The following ANAPC10 variants were observed in gnomAD, a reference collection of about 807,000 sequenced individuals.
ANAPC10 encodes anaphase-promoting complex subunit 10.
A neutral mutation model predicts 22.0 loss-of-function variants in ANAPC10; 12 were observed. The observed-to-expected ratio is 0.55, with a 90% CI of 0.35 to 0.88. ANAPC10 has a LOEUF of 0.88. ANAPC10 is among the 40% of genes least tolerant of loss of function. ANAPC10 has a pLI of 0.01. For missense variants in ANAPC10, 188 were observed against 220.9 expected (o/e 0.85, Z 0.94); for synonymous variants, 65 against 69.5 (o/e 0.94, Z 0.32).
rs551751587 is a variant in ANAPC10 at position 145,008,915 on chromosome 4, G to A, written c.328-13312C>T. On this transcript the variant is annotated intron_variant, in intron 4 of 4. Coordinates refer to ENST00000507656, the MANE Select transcript of ANAPC10 (RefSeq NM_001256706.2). Reference sequence around the variant, plus strand: ...AGTCATATTGTCCCTGTTTGCAGATGACATGATTATATATTTAGAAAACCC... The same window carrying A: ...AGTCATATTGTCCCTGTTTGCAGATAACATGATTATATATTTAGAAAACCC... 5.4e-4 allele frequency among the ~76,000 whole-genome samples: 82 copies of A among 152,242 alleles called. 1 individual carries two copies. The highest frequency in any genetic ancestry group is 1.9e-3 in the African/African-American group (79 of 41,524).
chr4:145,031,059 C>T (rs922197718), intron 4 of ANAPC10, among the ~76,000 whole-genome samples: 1 of 152,170 alleles, frequency 6.6e-6, no homozygotes, highest in Non-Finnish European at 1.5e-5. Flanking sequence ...TTGGCAAATG[C>T]CTTTTTCTCC....
At chr4:145,061,622 A>G (rs1432783041) in intron 4 of ANAPC10, among the ~76,000 whole-genome samples, 1 of 152,230 alleles carries the variant, frequency 6.6e-6, no homozygotes, top group Non-Finnish European at 1.5e-5. Context: ...CTGAGGAGCT[A>G]TATGATAAAT....
At chr4:145,044,549 G>A (rs1042694965) in intron 4 of ANAPC10, among the ~76,000 whole-genome samples, 2 of 152,010 alleles carry the variant, frequency 1.3e-5, no homozygotes, top group Admixed American at 6.6e-5. Context: ...ACAGTTACAG[G>A]ACATAACAGT....
chr4:145,052,691 G>A (rs913968840), intron 4 of ANAPC10, among the ~76,000 whole-genome samples: 12 of 152,012 alleles, frequency 7.9e-5, no homozygotes, highest in African/African-American at 2.2e-4. Context: ...CACATGGTCC[G>A]GAGATTGAGA....
intron 4 of ANAPC10, among the ~76,000 whole-genome samples, chr4:145,006,313 T>C (rs1733343963): frequency 6.6e-6 from 1 of 152,100 alleles, no homozygotes; most frequent in Non-Finnish European, 1.5e-5. Context: ...GTGGAAAAGA[T>C]AAAGGGAATT....
At chr4:145,011,129 CG>C (rs1365215734) in intron 4 of ANAPC10, among the ~76,000 whole-genome samples, 8 of 151,820 alleles carry the variant, frequency 5.3e-5, no homozygotes. Context: ...GTCAGGAGTT[CG>C]AGACCAACCT....
intron 4 of ANAPC10, among the ~76,000 whole-genome samples, chr4:145,046,018 T>C (rs182604672): frequency 5.3e-5 from 8 of 152,254 alleles, no homozygotes; most frequent in Admixed American, 5.2e-4. Context: ...TGTTCAATTG[T>C]TGGGCCAAAC....
intron 4 of ANAPC10, among the ~76,000 whole-genome samples, chr4:145,049,469 G>A (rs144552722): frequency 7.2e-5 from 11 of 152,278 alleles, no homozygotes; most frequent in African/African-American, 2.2e-4. Flanking sequence ...AATGTTCACA[G>A]CACCTTCACA....
At chr4:145,049,754 G>C (rs553483189) in intron 4 of ANAPC10, among the ~76,000 whole-genome samples, 30 of 151,952 alleles carry the variant, frequency 2.0e-4, no homozygotes, top group African/African-American at 7.2e-4. Flanking sequence ...TAATTTTTTT[G>C]AATTTCTTTT....
rs556768229 is a variant in ANAPC10 at position 145,097,260 on chromosome 4, A to G, written c.-13+860T>C. The G allele has an allele frequency of 2.8e-5, 10 of 355,310 alleles. No homozygotes were observed. In the East Asian group the frequency reaches 6.7e-4, roughly 24 times the overall value. The allele number at this position is 355,310 out of a possible 1,614,324, so 22.0% of individuals were successfully genotyped here. On this transcript the variant is annotated intron_variant, in intron 1 of 4. Coordinates refer to ENST00000507656, the MANE Select transcript of ANAPC10 (RefSeq NM_001256706.2). ...GTTCACTTACATATGCTCTTACCAT[A>G]GAAGATAAGGTCAGGAAAATGGCTT... is the stretch of plus-strand genomic sequence containing the variant.
intron 3 of ANAPC10, among the ~76,000 whole-genome samples, chr4:145,071,834 A>G (rs1744530614): frequency 6.6e-6 from 1 of 152,234 alleles, no homozygotes; most frequent in African/African-American, 2.4e-5. Context: ...TCAACCCACA[A>G]AAGCATCCAT....
At chr4:145,059,821 T>G (rs1300037295) in intron 4 of ANAPC10, among the ~76,000 whole-genome samples, 1 of 152,100 alleles carries the variant, frequency 6.6e-6, no homozygotes, top group Non-Finnish European at 1.5e-5. Flanking sequence ...ATCTAAAATA[T>G]AATGTTCTTT....
chr4:145,080,838 C>T (rs755885128), intron 3 of ANAPC10, among the ~76,000 whole-genome samples: 43 of 142,838 alleles, frequency 3.0e-4, no homozygotes, highest in Admixed American at 4.5e-4. Flanking sequence ...ACCTGGGAGG[C>T]GGAGGTTGCA....
chr4:145,040,150 TGTG>T (rs1315252633), intron 4 of ANAPC10, among the ~76,000 whole-genome samples: 1 of 151,910 alleles, frequency 6.6e-6, no homozygotes, highest in Admixed American at 6.6e-5. Flanking sequence ...TGTGTGTGTG[TGTG>T]TGTGTGTGTG....
At chr4:145,033,999 G>C (rs901645156) in intron 4 of ANAPC10, among the ~76,000 whole-genome samples, 2 of 152,124 alleles carry the variant, frequency 1.3e-5, no homozygotes, top group African/African-American at 4.8e-5. Context: ...TAGTATTTGG[G>C]TTGGGGATTG....
chr4:145,047,485 G>A (rs1246776723), intron 4 of ANAPC10, among the ~76,000 whole-genome samples: 4 of 152,128 alleles, frequency 2.6e-5, no homozygotes, highest in East Asian at 1.9e-4. Context: ...CCATGCTACC[G>A]ATAATCCTGA....
At chr4:145,073,637 A>T (rs1356669174) in intron 3 of ANAPC10, among the ~76,000 whole-genome samples, 3 of 152,090 alleles carry the variant, frequency 2.0e-5, no homozygotes. Context: ...GTTTTCATTC[A>T]ACCCAGGCTT....
At chr4:145,004,250 A>T (rs1733009497) in intron 4 of ANAPC10, among the ~76,000 whole-genome samples, 1 of 152,038 alleles carries the variant, frequency 6.6e-6, no homozygotes, top group Non-Finnish European at 1.5e-5. Flanking sequence ...CAGAGTAACT[A>T]TGGTGTTTGT....
At chr4:145,082,638 A>C (rs766284290) in intron 2 of ANAPC10, among the ~76,000 whole-genome samples, 2 of 152,238 alleles carry the variant, frequency 1.3e-5, no homozygotes, top group Non-Finnish European at 2.9e-5. Context: ...TTCTGAAGCC[A>C]AATGCTTCTG....
Sources: allele counts gnomAD v4.1 joint callset (sites outside exome capture counted in the v4.1 genomes callset), GRCh38; gene constraint gnomAD v4.1.1; transcripts MANE v1.5; gene names NCBI Gene and HGNC (gene_info 2026-07-23, HGNC 2026-07-21).